ARID3A: variants seen among roughly 807,000 people sequenced by gnomAD.
The protein encoded by ARID3A is AT-rich interactive domain-containing protein 3A.
A neutral mutation model predicts 52.7 loss-of-function variants in ARID3A; 11 were observed. That is an observed-to-expected ratio of 0.21 (90% CI 0.13 to 0.35). The LOEUF is 0.35. Among genes scored for constraint, ARID3A ranks in the 10% least tolerant of loss-of-function variants. The probability of loss-of-function intolerance (pLI) is 1.00; values close to 1 mark genes in which losing one functional copy is unlikely to be tolerated. For synonymous variants in ARID3A, 404 were observed against 359.4 expected (o/e 1.12, Z -1.40); for missense variants, 721 against 838.5 (o/e 0.86, Z 1.73).
chr19:952,875 G>A (rs1413559834), intron 3 of ARID3A, among the ~76,000 whole-genome samples: 5 of 152,086 alleles, frequency 3.3e-5, no homozygotes, highest in Non-Finnish European at 7.4e-5. Flanking sequence ...CCTGGTGGGA[G>A]TGCCCAGGTG....
chr19:938,960 T>A lies in ARID3A; in HGVS notation c.693+6218T>A, dbSNP rs1372129096. Among the ~76,000 whole-genome samples, 1 of 149,538 alleles carries A rather than the reference T, an allele frequency of 6.7e-6. No homozygotes were observed. The highest frequency in any genetic ancestry group is 1.5e-5 in the Non-Finnish European group (1 of 67,398). On this transcript the variant is annotated intron_variant, in intron 3 of 8. Transcript: ENST00000263620. This position sits in a 1 kb window ranked among gnomAD's most constrained non-coding sequence, Gnocchi z 4.0. ...TTTTTTTTTTTTTTGAGACGGAGTC[T>A]TGTTTTGTCACCCAGGCTGCAGTGC...
In ARID3A at chr19:966,749, C is replaced by G. The variant is rs548635209; in HGVS notation, c.1376C>G (p.Pro459Arg). Residue 459 changes from proline (P) to arginine (R), a missense_variant, in exon 7 of 9, where the codon CCG becomes CGG. This residue lies in a region of ARID3A where 297 missense variants were observed against 343.2 expected (regional missense o/e 0.87). Transcript: ENST00000263620. The part of the protein sequence containing the change: ...LREKLESAEP[P>R]EKKMALVADE... ...GAGAAGCTGGAGTCTGCAGAGCCTC[C>G]GGAGAAGAAGATGGCCCTGGTGGCC... 6.2e-7 allele frequency: 1 copy of G among 1,613,108 alleles called. No individual in the cohort carries two copies. Among genetic ancestry groups the G allele is most frequent in the Non-Finnish European group, 8.5e-7 (1 of 1,179,872 alleles).
chr19:953,021 C>A (rs1445657097), intron 3 of ARID3A, among the ~76,000 whole-genome samples: 1 of 152,188 alleles, frequency 6.6e-6, no homozygotes, highest in African/African-American at 2.4e-5. Flanking sequence ...CCTGGCCAAC[C>A]CTTTCCTTGG....
chr19:970,759 C>T (rs1158458030), intron 8 of ARID3A, among the ~76,000 whole-genome samples: 1 of 151,902 alleles, frequency 6.6e-6, no homozygotes, highest in Non-Finnish European at 1.5e-5. Context: ...AGGCATTAGC[C>T]ACCACACCCG....
chr19:974,035 G>T lies in ARID3A; in HGVS notation c.*1970G>T. Reference sequence around the variant, plus strand: ...AGGGTAAGCCTGGGTCTCTAATTGGGCCCTGGGAGCCCTGTTAGGCCACCG... The same window carrying T: ...AGGGTAAGCCTGGGTCTCTAATTGGTCCCTGGGAGCCCTGTTAGGCCACCG... On this transcript the variant is annotated 3_prime_UTR_variant, in exon 9 of 9. Coordinates refer to ENST00000263620, the MANE Select transcript of ARID3A (RefSeq NM_005224.3). The T allele has an allele frequency of 4.4e-6, 1 of 227,456 alleles. No individual in the cohort carries two copies. Among genetic ancestry groups the T allele is most frequent in the Non-Finnish European group, 8.7e-6 (1 of 114,534 alleles). 14.1% of individuals were successfully genotyped at this position (227,456 alleles called of 1,614,324 possible). A position where few individuals can be genotyped will look rare whatever the true frequency, so the allele number is the denominator to read the frequency against.
intron 8 of ARID3A, among the ~76,000 whole-genome samples, chr19:971,023 G>A (rs1307015483): frequency 6.6e-6 from 1 of 152,194 alleles, no homozygotes; most frequent in African/African-American, 2.4e-5. Flanking sequence ...CTGTGTGCTA[G>A]GGGTCTCGCA....
At position 959,706 on chromosome 19, in the gene ARID3A, C is replaced by T. The variant is rs1299216428; in HGVS notation, c.694-386C>T. Among the ~76,000 whole-genome samples, 1 of 151,912 alleles carries T rather than the reference C, an allele frequency of 6.6e-6. No individual in the cohort carries two copies. Among genetic ancestry groups the T allele is most frequent in the Non-Finnish European group, 1.5e-5 (1 of 67,970 alleles). On this transcript the variant is annotated intron_variant, in intron 3 of 8. Transcript: ENST00000263620. This position sits in a 1 kb window ranked among gnomAD's most constrained non-coding sequence, Gnocchi z 5.0. ...GGCCCTAAAACCAGCAGGCTGGTGT[C>T]CTGAGAAGAGGAGAGAGAGACGGGG...
At chr19:936,785 G>C (rs2037447800) in intron 3 of ARID3A, among the ~76,000 whole-genome samples, 1 of 152,090 alleles carries the variant, frequency 6.6e-6, no homozygotes, top group Non-Finnish European at 1.5e-5. Flanking sequence ...AGGTTACAGT[G>C]AGCCGAGATC....
chr19:955,862 C>T (rs922709296), intron 3 of ARID3A, among the ~76,000 whole-genome samples: 6 of 152,276 alleles, frequency 3.9e-5, no homozygotes, highest in African/African-American at 9.6e-5. Context: ...AAACCGCGGG[C>T]GTAAAACAAA....
In ARID3A at chr19:964,530, A is replaced by G. The variant is rs1469480368; in HGVS notation, c.950+99A>G. 5.6e-6 allele frequency: 8 copies of G among 1,427,218 alleles called. No homozygotes were observed. In the South Asian group the frequency reaches 1.1e-4, roughly 20 times the overall value. 88.4% of individuals were successfully genotyped at this position (1,427,218 alleles called of 1,614,324 possible). ...GGGAGGGGGTGGTGGGCAGCTGCAGAGGAGGGGGCAGTGGGCAGCCGCAAA... is the reference window on the plus strand; with the variant it reads ...GGGAGGGGGTGGTGGGCAGCTGCAGGGGAGGGGGCAGTGGGCAGCCGCAAA... On this transcript the variant is annotated intron_variant, in intron 5 of 8. Coordinates refer to ENST00000263620, the MANE Select transcript of ARID3A (RefSeq NM_005224.3). This position sits in a 1 kb window ranked among gnomAD's most constrained non-coding sequence, Gnocchi z 5.7.
intron 3 of ARID3A, among the ~76,000 whole-genome samples, chr19:932,983 G>C (rs1383078075): frequency 6.6e-6 from 1 of 152,182 alleles, no homozygotes; most frequent in African/African-American, 2.4e-5. Flanking sequence ...AACCTGGGGG[G>C]CTCCACGGCC....
In ARID3A at chr19:964,489, A is replaced by AG; in HGVS notation, c.950+62dup. On this transcript the variant is annotated intron_variant, in intron 5 of 8. Coordinates refer to ENST00000263620, the MANE Select transcript of ARID3A (RefSeq NM_005224.3). This position sits in a 1 kb window ranked among gnomAD's most constrained non-coding sequence, Gnocchi z 5.7. Reference sequence around the variant, plus strand: ...CAGGGCACTCTGAGCAGCCAGTGCAAGGGGCCTGCAGAAGAGGGAGGGGGT... The same window carrying AG: ...CAGGGCACTCTGAGCAGCCAGTGCAAGGGGGCCTGCAGAAGAGGGAGGGGGT... 1 of 1,497,478 alleles carries AG rather than the reference A, an allele frequency of 6.7e-7. No homozygotes were observed. The highest frequency in any genetic ancestry group is 9.0e-7 in the Non-Finnish European group (1 of 1,115,396). 92.8% of individuals were successfully genotyped at this position (1,497,478 alleles called of 1,614,324 possible). A position where few individuals can be genotyped will look rare whatever the true frequency, so the allele number is the denominator to read the frequency against.
At chr19:935,386 A>T (rs973429373) in intron 3 of ARID3A, among the ~76,000 whole-genome samples, 5 of 152,182 alleles carry the variant, frequency 3.3e-5, no homozygotes, top group African/African-American at 1.2e-4. Flanking sequence ...TTAGGATCTC[A>T]GCCTCCTGAT....
chr19:943,235 T>G (rs11879036), intron 3 of ARID3A, among the ~76,000 whole-genome samples: 6,741 of 142,418 alleles, frequency 0.047, 317 homozygotes, highest in African/African-American at 0.13. Flanking sequence ...CACTCCAGAC[T>G]GGGCGACAGG....
In ARID3A at chr19:964,493, G is replaced by A; in HGVS notation, c.950+62G>A. 1 of 1,501,634 alleles carries A rather than the reference G, an allele frequency of 6.7e-7. No homozygotes were observed. The highest frequency in any genetic ancestry group is 8.9e-7 in the Non-Finnish European group (1 of 1,119,958). The allele number at this position is 1,501,634 out of a possible 1,614,324, so 93.0% of individuals were successfully genotyped here. ...GCACTCTGAGCAGCCAGTGCAAGGG[G>A]CCTGCAGAAGAGGGAGGGGGTGGTG... On this transcript the variant is annotated intron_variant, in intron 5 of 8. Coordinates refer to ENST00000263620, the MANE Select transcript of ARID3A (RefSeq NM_005224.3). The surrounding 1 kb of genome is among the most constrained non-coding windows in gnomAD (Gnocchi z 5.7).
At chr19:939,524 G>C (rs764668733) in intron 3 of ARID3A, among the ~76,000 whole-genome samples, 1 of 152,134 alleles carries the variant, frequency 6.6e-6, no homozygotes, top group African/African-American at 2.4e-5. Context: ...GACCTCTAGG[G>C]CATGAGCCGC....
At chr19:948,432 G>A (rs1184904447) in intron 3 of ARID3A, among the ~76,000 whole-genome samples, 4 of 152,076 alleles carry the variant, frequency 2.6e-5, no homozygotes, top group South Asian at 2.1e-4. Flanking sequence ...TCCCGGGGCC[G>A]CGGTCCTGCG....
chr19:927,636 G>A (rs2037229377), intron 1 of ARID3A, among the ~76,000 whole-genome samples: 2 of 131,498 alleles, frequency 1.5e-5, no homozygotes, highest in South Asian at 2.7e-4. Context: ...GGGGAGGGGC[G>A]ACAGACCCGA....
rs34643064 is a variant in ARID3A, at chr19:941,779, CTG to C, written c.693+9065_693+9066del. Among the ~76,000 whole-genome samples, 2,150 of 145,572 alleles carry C rather than the reference CTG, an allele frequency of 0.015. 19 individuals are homozygous for C. Among genetic ancestry groups the C allele is most frequent in the African/African-American group, 0.029 (1,151 of 39,578 alleles). ...TCTCTTGTGTTTTGTGTGGATGTGG[CTG>C]TGTGTGTGTGTGTGTGTGTGTGTGT... On this transcript the variant is annotated intron_variant, in intron 3 of 8. Coordinates refer to ENST00000263620, the MANE Select transcript of ARID3A (RefSeq NM_005224.3). The surrounding 1 kb of genome is among the most constrained non-coding windows in gnomAD (Gnocchi z 6.9).
Sources: gnomAD v4.1 joint callset for allele counts (sites outside exome capture counted in the v4.1 genomes callset) on GRCh38, gnomAD v4.1.1 for gene constraint, gnomAD v4.1.1 regional missense constraint, Gnocchi (gnomAD v3.1) non-coding constraint, MANE v1.5 for transcripts, NCBI Gene and HGNC (gene_info 2026-07-23, HGNC 2026-07-21) for gene names.